Variants in RIN2 observed in about 807,000 individuals in gnomAD.
RIN2 encodes RAB5 interacting protein 2.
Under a neutral mutation model 78.0 loss-of-function variants are expected in RIN2, and 36 were observed. The ratio of observed to expected loss-of-function variants is 0.46; its 90% CI spans 0.35 to 0.61. The LOEUF (loss-of-function observed/expected upper bound fraction) is 0.61, where lower values mean the gene tolerates loss of function less well. Ranked by LOEUF, RIN2 falls within the 20% of genes least tolerant of loss-of-function variation. The pLI is 0.00. For missense variants in RIN2, 1,087 were observed against 1,159.7 expected, an observed-to-expected ratio of 0.94 and a Z score of 0.91; for synonymous variants, 466 against 466.8, an observed-to-expected ratio of 1.00 and a Z score of 0.02.
chr20:19,878,196 A>C (rs941389136), intron 2 of RIN2, among the ~76,000 whole-genome samples: 3 of 152,072 alleles, frequency 2.0e-5, no homozygotes, highest in African/African-American at 7.2e-5. Flanking sequence ...TCTTGGGCCC[A>C]CATCCCCTCC....
chr20:19,950,559 A>G (rs1361919515), intron 4 of RIN2, among the ~76,000 whole-genome samples: 1 of 152,056 alleles, frequency 6.6e-6, no homozygotes, highest in Non-Finnish European at 1.5e-5. Context: ...GGGGGAGCTC[A>G]TCATTTGACA....
At chr20:19,839,438 G>A (rs2036517737) in intron 2 of RIN2, among the ~76,000 whole-genome samples, 1 of 152,194 alleles carries the variant, frequency 6.6e-6, no homozygotes, top group African/African-American at 2.4e-5. Flanking sequence ...TGAAGACATG[G>A]AAACTCGATG....
At chr20:19,847,440 G>A (rs975293028) in intron 2 of RIN2, among the ~76,000 whole-genome samples, 8 of 152,152 alleles carry the variant, frequency 5.3e-5, no homozygotes, top group African/African-American at 1.9e-4. Flanking sequence ...ATGCATAAAC[G>A]TGCATGCAGT....
intron 3 of RIN2, among the ~76,000 whole-genome samples, chr20:19,917,960 C>T (rs1353119612): frequency 6.6e-6 from 1 of 152,190 alleles, no homozygotes; most frequent in Admixed American, 6.5e-5. Context: ...AGTAGAAATG[C>T]TGAATCCAAC....
At chr20:19,950,934 C>A (rs1018989389) in intron 4 of RIN2, among the ~76,000 whole-genome samples, 1 of 150,824 alleles carries the variant, frequency 6.6e-6, no homozygotes, top group East Asian at 2.0e-4. Context: ...CTGTCACCCC[C>A]GCTGAAGTGC....
chr20:19,889,397 G>A (rs2038339399), intron 2 of RIN2, 169 bp from the exon 3 acceptor site: 1 of 1,192,584 alleles, frequency 8.4e-7, no homozygotes, highest in African/African-American at 1.6e-5. Context: ...TGCGCTGGTG[G>A]GGACAGGAAA....
rs868397882 is a variant in RIN2, at chr20:19,972,073, G to C, written c.628+1144G>C. On this transcript the variant is annotated intron_variant, in intron 8 of 12. Coordinates refer to ENST00000255006, the MANE Select transcript of RIN2 (RefSeq NM_018993.4). ...CTTAGATTGTATCTGTAGAAGGATT[G>C]CCTTCTGTGTTTGAGGCCTGTCTGA... Among the ~76,000 whole-genome samples the C allele has an allele frequency of 5.3e-4, 81 of 152,184 alleles. No individual in the cohort carries two copies. In the Middle Eastern group the frequency reaches 0.014, roughly 26 times the overall value.
chr20:19,998,673 A>G (rs878944730), intron 12 of RIN2, among the ~76,000 whole-genome samples: 1 of 152,174 alleles, frequency 6.6e-6, no homozygotes, highest in South Asian at 2.1e-4. Context: ...ATTCTTCTCC[A>G]TGATTGCAGT....
In RIN2 at chr20:20,000,850, A is replaced by G. The variant is rs765581642; in HGVS notation, c.2602A>G (p.Ile868Val). 27 of 1,613,842 alleles carry G rather than the reference A, an allele frequency of 1.7e-5. No homozygotes were observed. The South Asian group carries it at 2.0e-4, about 12-fold the overall frequency. ...GCTGCACAGCCGACCACAGCCCCACATCTTCCACTTTGTCTACAAACGCAT... is the reference window on the plus strand; with the variant it reads ...GCTGCACAGCCGACCACAGCCCCACGTCTTCCACTTTGTCTACAAACGCAT... ...AELHSRPQPH[I>V]FHFVYKRIKN... The change falls in exon 13 of 13, where the codon ATC (isoleucine) becomes GTC (valine). Residue 868 changes from isoleucine to valine, a missense_variant. Ile to Val is a conservative substitution (Grantham distance 29). Around this residue, in one of 8 missense-constraint regions of RIN2, gnomAD observed 160 missense variants for 179.4 expected, o/e 0.89. Transcript: ENST00000255006.
At chr20:19,760,677 C>T (rs955445260) in intron 1 of RIN2, among the ~76,000 whole-genome samples, 2 of 152,154 alleles carry the variant, frequency 1.3e-5, no homozygotes, top group Non-Finnish European at 2.9e-5. Flanking sequence ...CTGAGAGGTC[C>T]ATGCTCGTGT....
chr20:19,992,718 C>A (rs996597644), intron 11 of RIN2, among the ~76,000 whole-genome samples: 1 of 152,106 alleles, frequency 6.6e-6, no homozygotes, highest in African/African-American at 2.4e-5. Flanking sequence ...AAAATACATT[C>A]AGTAGAATAA....
At chr20:19,884,860 G>C (rs924114360) in intron 2 of RIN2, among the ~76,000 whole-genome samples, 1 of 152,116 alleles carries the variant, frequency 6.6e-6, no homozygotes, top group Non-Finnish European at 1.5e-5. Context: ...CTGGTTAAGC[G>C]ACCAGGCAAA....
intron 1 of RIN2, among the ~76,000 whole-genome samples, chr20:19,759,555 G>A (rs1449526179): frequency 6.6e-6 from 1 of 152,160 alleles, no homozygotes; most frequent in Non-Finnish European, 1.5e-5. Flanking sequence ...TTAAATACAG[G>A]TGGGTGTTGT....
intron 3 of RIN2, among the ~76,000 whole-genome samples, chr20:19,910,184 C>T (rs561100521): frequency 6.6e-6 from 1 of 151,980 alleles, no homozygotes; most frequent in African/African-American, 2.4e-5. Context: ...CATACTTTCT[C>T]TCTTTTTTTT....
At chr20:19,790,423 T>C (rs2034851696) in intron 1 of RIN2, among the ~76,000 whole-genome samples, 3 of 152,204 alleles carry the variant, frequency 2.0e-5, no homozygotes, top group Admixed American at 2.0e-4. Flanking sequence ...CTTTTTATCC[T>C]GATACAGAAT....
intron 11 of RIN2, among the ~76,000 whole-genome samples, chr20:19,993,301 C>T (rs1373719480): frequency 1.3e-5 from 2 of 151,254 alleles, no homozygotes; most frequent in Non-Finnish European, 2.9e-5. Flanking sequence ...GAGTTTCAGT[C>T]TGGGCTTGAG....
chr20:19,911,902 G>C (rs146464097), intron 3 of RIN2, among the ~76,000 whole-genome samples: 1 of 152,154 alleles, frequency 6.6e-6, no homozygotes, highest in African/African-American at 2.4e-5. Context: ...TAGGTGAATC[G>C]CGTGGGTGAG....
intron 2 of RIN2, among the ~76,000 whole-genome samples, chr20:19,805,357 A>C (rs1343274980): frequency 2.0e-5 from 3 of 152,174 alleles, no homozygotes; most frequent in African/African-American, 7.2e-5. Context: ...CGAATAGTCC[A>C]ACTATGGGAC....
chr20:19,988,901 T>TCA (rs140660499), intron 9 of RIN2, among the ~76,000 whole-genome samples: 14,700 of 149,420 alleles, frequency 0.098, 864 homozygotes, highest in Non-Finnish European at 0.13. Flanking sequence ...TTCTCTCTCT[T>TCA]CACACACACA....
Sources: gnomAD v4.1 joint callset for allele counts (sites outside exome capture counted in the v4.1 genomes callset) on GRCh38, gnomAD v4.1.1 for gene constraint, gnomAD v4.1.1 regional missense constraint, MANE v1.5 for transcripts, NCBI Gene and HGNC (gene_info 2026-07-23, HGNC 2026-07-21) for gene names.